Variants in WDHD1 observed in about 807,000 individuals in gnomAD.
WDHD1 encodes WD repeat and HMG-box DNA-binding protein 1.
In WDHD1, 111 loss-of-function variants were observed where a neutral mutation model predicts 135.4. That is an observed-to-expected ratio of 0.82 (90% CI 0.70 to 0.96). WDHD1 has a LOEUF of 0.96. WDHD1 is among the 40% of genes least tolerant of loss of function. WDHD1 has a pLI of 0.00. For synonymous variants in WDHD1, 434 were observed against 439.0 expected, an observed-to-expected ratio of 0.99 and a Z score of 0.14; for missense variants, 1,351 against 1,336.3, an observed-to-expected ratio of 1.01 and a Z score of -0.17.
intron 2 of WDHD1, among the ~76,000 whole-genome samples, chr14:55,024,747 C>G (rs2042404806): frequency 6.9e-6 from 1 of 144,074 alleles, no homozygotes; most frequent in East Asian, 2.1e-4. Context: ...AAGGGCGGTG[C>G]AAGATGTGCT....
chr14:54,966,571 G>C lies in WDHD1; in HGVS notation c.2214C>G (p.His738Gln). The change falls in exon 18 of 26, where the codon CAC becomes CAG. Residue 738 changes from histidine to glutamine, a missense_variant. Coordinates refer to ENST00000360586, the MANE Select transcript of WDHD1 (RefSeq NM_007086.4). Reference protein sequence around the residue: ...QFWRSVIFHNHLDYLAKNGYE... With the variant: ...QFWRSVIFHNQLDYLAKNGYE... Reference sequence around the variant, plus strand: ...AACCATTTTTAGCTAAATAATCAAGGTGGTTGTGAAATATAACTGAACGCC... The same window carrying C: ...AACCATTTTTAGCTAAATAATCAAGCTGGTTGTGAAATATAACTGAACGCC... The C allele has an allele frequency of 6.2e-7, 1 of 1,608,390 alleles. No homozygotes were observed. Among genetic ancestry groups the C allele is most frequent in the Non-Finnish European group, 8.5e-7 (1 of 1,178,740 alleles).
rs1234907281 is a variant in WDHD1 at position 55,000,876 on chromosome 14, T to C, written c.800+10A>G. ...AGCAAAGAAGAGACAAAAGATACAC[T>C]AAATCATACCTTTCCATGCAGTCTT... On this transcript the variant is annotated intron_variant, in intron 9 of 25. Coordinates refer to ENST00000360586, the MANE Select transcript of WDHD1 (RefSeq NM_007086.4). 2 of 1,519,932 alleles carry C rather than the reference T, an allele frequency of 1.3e-6. No homozygotes were observed. The highest frequency in any genetic ancestry group is 4.8e-5 in the East Asian group (2 of 41,518). The allele number at this position is 1,519,932 out of a possible 1,614,324, so 94.2% of individuals were successfully genotyped here.
Position 55,001,008 on chromosome 14 carries a change from G to C in WDHD1, c.694-16C>G. The stretch of plus-strand genomic sequence containing the variant: ...TATTGAGGGTCTGTAAAGAAAAACA[G>C]TTAATAAATAATGATTTTGTAAAAT... On this transcript the variant is annotated splice_polypyrimidine_tract_variant and intron_variant, in intron 8 of 25. Coordinates refer to ENST00000360586, the MANE Select transcript of WDHD1 (RefSeq NM_007086.4). 2.1e-6 allele frequency: 3 copies of C among 1,424,328 alleles called. No homozygotes were observed. Among genetic ancestry groups the C allele is most frequent in the Non-Finnish European group, 2.8e-6 (3 of 1,056,032 alleles). 88.2% of individuals were successfully genotyped at this position (1,424,328 alleles called of 1,614,324 possible). A position where few individuals can be genotyped will look rare whatever the true frequency, so the allele number is the denominator to read the frequency against.
chr14:54,943,836 T>C (rs2040876160), intron 25 of WDHD1, among the ~76,000 whole-genome samples: 1 of 150,726 alleles, frequency 6.6e-6, no homozygotes, highest in Non-Finnish European at 1.5e-5. Flanking sequence ...TGAGAGGTTG[T>C]CTCTATAAAA....
chr14:54,947,369 A>G (rs531825257), intron 24 of WDHD1, among the ~76,000 whole-genome samples: 121 of 152,262 alleles, frequency 7.9e-4, no homozygotes, highest in Non-Finnish European at 1.5e-3. Context: ...ATGAGCCACT[A>G]TGCCCGGCCT....
intron 13 of WDHD1, among the ~76,000 whole-genome samples, chr14:54,988,820 A>C (rs2041737040): frequency 6.6e-6 from 1 of 151,878 alleles, no homozygotes; most frequent in Admixed American, 6.6e-5. Context: ...TTTGCTATGT[A>C]GTTAGAGCAT....
chr14:54,998,907 G>C (rs1308948086), intron 10 of WDHD1, among the ~76,000 whole-genome samples: 4 of 152,176 alleles, frequency 2.6e-5, no homozygotes, highest in Admixed American at 2.0e-4. Context: ...CTTATGAAGT[G>C]TGCTAGACAC....
chr14:55,022,053 T>C (rs1405195946), intron 2 of WDHD1, among the ~76,000 whole-genome samples: 2 of 152,172 alleles, frequency 1.3e-5, no homozygotes, highest in African/African-American at 2.4e-5. Flanking sequence ...ATTCGAGACA[T>C]TGTGTTTGGG....
chr14:54,982,768 A>G (rs1303627456), intron 15 of WDHD1, among the ~76,000 whole-genome samples: 1 of 152,244 alleles, frequency 6.6e-6, no homozygotes, highest in African/African-American at 2.4e-5. Flanking sequence ...TTGATATTTT[A>G]AAGACAAAGT....
chr14:55,008,793 A>T, intron 4 of WDHD1, 74 bp from the exon 5 acceptor site: 9 of 1,029,558 alleles, frequency 8.7e-6, no homozygotes, highest in East Asian at 2.6e-5. Context: ...TGATCCAAAT[A>T]TTTCTTTTTT....
intron 18 of WDHD1, among the ~76,000 whole-genome samples, chr14:54,964,021 T>C (rs566985067): frequency 6.6e-6 from 1 of 152,202 alleles, no homozygotes; most frequent in African/African-American, 2.4e-5. Flanking sequence ...GACAGGAGGT[T>C]CACTAGAGCC....
At chr14:55,007,225 C>A (rs1275341603) in intron 7 of WDHD1, 55 bp downstream of exon 7, 59 of 1,306,202 alleles carry the variant, frequency 4.5e-5, no homozygotes, top group Non-Finnish European at 5.9e-5. Flanking sequence ...GAGACTCCAT[C>A]TCTAATAAAA....
intron 24 of WDHD1, among the ~76,000 whole-genome samples, chr14:54,945,405 A>G (rs1221979318): frequency 6.6e-6 from 1 of 152,194 alleles, no homozygotes; most frequent in South Asian, 2.1e-4. Context: ...CAATAACACT[A>G]TGAGATGGAT....
rs1425834062 is a variant in WDHD1, at chr14:54,981,561, T to C, written c.2042A>G (p.His681Arg). 4.3e-6 allele frequency: 7 copies of C among 1,611,340 alleles called. No individual in the cohort carries two copies. Among genetic ancestry groups the C allele is most frequent in the African/African-American group, 2.7e-5 (2 of 74,818 alleles). Residue 681 changes from histidine (H) to arginine (R), a missense_variant, in exon 16 of 26, where the codon CAT becomes CGT. This residue lies in a region of WDHD1 where 1,330 missense variants were observed against 1,296.1 expected (regional missense o/e 1.03). Transcript: ENST00000360586. ...KSDHYWVVGI[H>R]ENPQQLRCIP... ...CCACCTTAGTTGCTGGGGATTTTCA[T>C]GGATACCAACCACCCAGTAGTGATC...
chr14:55,014,237 G>C (rs1259875118), intron 2 of WDHD1, among the ~76,000 whole-genome samples: 1 of 152,160 alleles, frequency 6.6e-6, no homozygotes, highest in East Asian at 1.9e-4. Context: ...GGGACTACAG[G>C]CGCATGCCAC....
At chr14:55,010,550 A>C (rs770822692) in intron 3 of WDHD1, 90 bp from the exon 4 acceptor site, 28 of 1,141,106 alleles carry the variant, frequency 2.5e-5, no homozygotes, top group Non-Finnish European at 3.2e-5. Context: ...TAAAAAACAA[A>C]AAACCTTAAA....
At chr14:54,947,029 C>A (rs2040938012) in intron 24 of WDHD1, among the ~76,000 whole-genome samples, 1 of 150,186 alleles carries the variant, frequency 6.7e-6, no homozygotes, top group African/African-American at 2.5e-5. Flanking sequence ...GGTGACAGGG[C>A]AAGACTGTCT....
chr14:55,007,443 ATATATT>A, intron 6 of WDHD1, 68 bp from the exon 7 acceptor site: 2 of 1,146,002 alleles, frequency 1.7e-6, no homozygotes, highest in South Asian at 2.9e-5. Context: ...GCAGAACTGA[ATATATT>A]TAAAGGTTCT....
At position 54,957,587 on chromosome 14, in the gene WDHD1, TTTACC is replaced by T; in HGVS notation, c.2745_2745+4del. ...TAATATAAAACATCACTTGGAAGAGTTTACCTTAAAGGGATTTACTCGTCCTTGGC... is the reference window on the plus strand; with the variant it reads ...TAATATAAAACATCACTTGGAAGAGTTTAAAGGGATTTACTCGTCCTTGGC... On this transcript the variant is annotated splice_donor_variant and splice_donor_region_variant and coding_sequence_variant and intron_variant, in exon 22 of 26. Transcript: ENST00000360586. LOFTEE classifies it high-confidence loss of function. 6.3e-7 allele frequency: 1 copy of T among 1,595,660 alleles called. No homozygotes were observed. Among genetic ancestry groups the T allele is most frequent in the Middle Eastern group, 1.7e-4 (1 of 5,930 alleles).
Sources: gnomAD v4.1 joint callset for allele counts (sites outside exome capture counted in the v4.1 genomes callset) on GRCh38, gnomAD v4.1.1 for gene constraint, gnomAD v4.1.1 regional missense constraint, MANE v1.5 for transcripts, NCBI Gene and HGNC (gene_info 2026-07-23, HGNC 2026-07-21) for gene names.